Variants in CCNY observed in about 807,000 individuals in gnomAD.
The protein encoded by CCNY is cyclin-Y.
Under a neutral mutation model 42.8 loss-of-function variants are expected in CCNY, and 19 were observed. The observed-to-expected ratio is 0.44, with a 90% confidence interval of 0.31 to 0.65. CCNY has a LOEUF of 0.65. Among genes scored for constraint, CCNY ranks in the 30% least tolerant of loss-of-function variants. The pLI is 0.07. For synonymous variants in CCNY, 165 were observed against 162.7 expected (o/e 1.01, Z -0.11); for missense variants, 370 against 437.3 (o/e 0.85, Z 1.37).
chr10:35,431,644 C>T (rs1239654975), intron 1 of CCNY, among the ~76,000 whole-genome samples: 1 of 151,794 alleles, frequency 6.6e-6, no homozygotes, highest in African/African-American at 2.4e-5. Context: ...ACTGAACTGT[C>T]ATTCTTTAGA....
At chr10:35,370,502 A>C (rs1019173950) in intron 1 of CCNY, among the ~76,000 whole-genome samples, 2 of 151,722 alleles carry the variant, frequency 1.3e-5, no homozygotes, top group South Asian at 2.1e-4. Flanking sequence ...CTGTGCCTGG[A>C]AACAGGCTAA....
chr10:35,371,422 A>G (rs1045077847), intron 1 of CCNY, among the ~76,000 whole-genome samples: 2 of 152,030 alleles, frequency 1.3e-5, no homozygotes, highest in African/African-American at 4.8e-5. Context: ...ATCTTTCACA[A>G]TCCTTCCAGG....
chr10:35,432,172 T>G (rs756169232), intron 1 of CCNY, among the ~76,000 whole-genome samples: 2 of 152,114 alleles, frequency 1.3e-5, no homozygotes, highest in Non-Finnish European at 2.9e-5. Context: ...AGATTTGAAT[T>G]GTAAGTGCTG....
intron 1 of CCNY, among the ~76,000 whole-genome samples, chr10:35,396,057 C>T (rs115478904): frequency 1.8e-3 from 280 of 152,190 alleles, no homozygotes; most frequent in African/African-American, 6.6e-3. Context: ...TGGTGGGCTC[C>T]AGAGGGCTGG....
At chr10:35,340,671 A>T (rs901447592) in intron 1 of CCNY, among the ~76,000 whole-genome samples, 1 of 151,842 alleles carries the variant, frequency 6.6e-6, no homozygotes, top group Non-Finnish European at 1.5e-5. Context: ...CGCCTGGCTA[A>T]TTTTGTATTT....
At chr10:35,499,673 C>A (rs187432665) in intron 2 of CCNY, among the ~76,000 whole-genome samples, 1 of 152,142 alleles carries the variant, frequency 6.6e-6, no homozygotes, top group Non-Finnish European at 1.5e-5. Context: ...TTGAGGTGAC[C>A]TTAGTATGGG....
At chr10:35,502,866 C>T (rs1458889201) in intron 3 of CCNY, among the ~76,000 whole-genome samples, 1 of 152,122 alleles carries the variant, frequency 6.6e-6, no homozygotes, top group Non-Finnish European at 1.5e-5. Flanking sequence ...TGCTTTCCCA[C>T]TCATTACACT....
intron 1 of CCNY, among the ~76,000 whole-genome samples, chr10:35,337,866 T>C (rs1197541373): frequency 2.0e-5 from 3 of 152,180 alleles, no homozygotes; most frequent in Non-Finnish European, 4.4e-5. Context: ...CGAATTGCAG[T>C]CCTATGAATT....
intron 3 of CCNY, among the ~76,000 whole-genome samples, chr10:35,308,295 G>C (rs901851300): frequency 6.6e-6 from 1 of 151,792 alleles, no homozygotes; most frequent in South Asian, 2.1e-4. Flanking sequence ...ATGCATGCCT[G>C]TGATCCCAGC....
chr10:35,439,499 CTCTTTT>C (rs1288519737), intron 1 of CCNY, among the ~76,000 whole-genome samples: 96 of 151,980 alleles, frequency 6.3e-4, no homozygotes, highest in African/African-American at 2.3e-3. Flanking sequence ...TGAGCTGAGC[CTCTTTT>C]TCTTTGCTGC....
chr10:35,336,685 A>G lies in CCNY; in HGVS notation c.-369A>G, dbSNP rs1451915535. Reference sequence around the variant, plus strand: ...CGCCGCAGCCGCCGGGGAAGCGGACACCAACTGGGGAAGCGCGGGGGGGAG... The same window carrying G: ...CGCCGCAGCCGCCGGGGAAGCGGACGCCAACTGGGGAAGCGCGGGGGGGAG... On this transcript the variant is annotated 5_prime_UTR_variant, in exon 1 of 10. Transcript: ENST00000374704. Among the ~76,000 whole-genome samples, 8 of 145,928 alleles carry G rather than the reference A, an allele frequency of 5.5e-5. No homozygotes were observed. The East Asian group carries it at 1.6e-3, about 29-fold the overall frequency.
chr10:35,372,949 C>T (rs1266744715), intron 1 of CCNY, among the ~76,000 whole-genome samples: 2 of 152,224 alleles, frequency 1.3e-5, no homozygotes, highest in Admixed American at 6.5e-5. Flanking sequence ...CCACCTGCCT[C>T]AGCCTCCCAA....
intron 3 of CCNY, among the ~76,000 whole-genome samples, chr10:35,292,942 G>A (rs1411102451): frequency 6.6e-6 from 1 of 151,636 alleles, no homozygotes; most frequent in Non-Finnish European, 1.5e-5. Flanking sequence ...ACCACGCCTA[G>A]CTAATTTTTG....
chr10:35,449,825 G>T, intron 1 of CCNY: 1 of 984,708 alleles, frequency 1.0e-6, no homozygotes, highest in Non-Finnish European at 1.2e-6. Context: ...AGTTGAGAGT[G>T]CCAGGGAGTG....
chr10:35,290,087 G>A (rs751875747), intron 3 of CCNY, among the ~76,000 whole-genome samples: 5 of 151,596 alleles, frequency 3.3e-5, no homozygotes, highest in Admixed American at 6.6e-5. Context: ...TTAGCCTGGC[G>A]TGGTGGCATG....
In CCNY at chr10:35,572,130, G is replaced by T. The variant is rs1413725196; in HGVS notation, c.*2960G>T. ...CCTCCTCTTCTGGGCTGGCTTTCCT[G>T]TCTGCCTGCTCTCGGGCTTGGGCAG... On this transcript the variant is annotated 3_prime_UTR_variant, in exon 10 of 10. Transcript: ENST00000374704. 6.6e-6 allele frequency: 1 copy of T among 152,210 alleles called. No homozygotes were observed. Among genetic ancestry groups the T allele is most frequent in the Non-Finnish European group, 1.5e-5 (1 of 68,116 alleles). The allele number at this position is 152,210 out of a possible 1,614,324, so 9.4% of individuals were successfully genotyped here. A position where few individuals can be genotyped will look rare whatever the true frequency, so the allele number is the denominator to read the frequency against.
intron 1 of CCNY, among the ~76,000 whole-genome samples, chr10:35,401,217 A>G (rs903642949): frequency 2.0e-5 from 3 of 152,262 alleles, no homozygotes; most frequent in East Asian, 1.9e-4. Context: ...AGGTTTAATA[A>G]GAATAGAATA....
intron 1 of CCNY, among the ~76,000 whole-genome samples, chr10:35,447,054 G>C (rs537562699): frequency 6.6e-6 from 1 of 152,168 alleles, no homozygotes; most frequent in Non-Finnish European, 1.5e-5. Flanking sequence ...GAGGCGGGTG[G>C]ATCATGAGGT....
At chr10:35,515,472 T>C (rs990659669) in intron 3 of CCNY, among the ~76,000 whole-genome samples, 3 of 152,224 alleles carry the variant, frequency 2.0e-5, no homozygotes, top group Non-Finnish European at 2.9e-5. Context: ...TTTTAAGATA[T>C]TGAACAGGGC....
Sources: allele counts gnomAD v4.1 joint callset (sites outside exome capture counted in the v4.1 genomes callset), GRCh38; gene constraint gnomAD v4.1.1; transcripts MANE v1.5; gene names NCBI Gene and HGNC (gene_info 2026-07-23, HGNC 2026-07-21).